The following PPFIA2 variants were observed in gnomAD, a reference collection of about 807,000 sequenced individuals.
The protein encoded by PPFIA2 is liprin-alpha-2.
In PPFIA2, 46 loss-of-function variants were observed where a neutral mutation model predicts 175.5. The ratio of observed to expected loss-of-function variants is 0.26; its 90% CI spans 0.21 to 0.34. The LOEUF is 0.34. Among genes scored for constraint, PPFIA2 ranks in the 10% least tolerant of loss-of-function variants. The pLI is 1.00. For synonymous variants in PPFIA2, 568 were observed against 511.4 expected (o/e 1.11, Z -1.49); for missense variants, 1,179 against 1,506.1 (o/e 0.78, Z 3.60).
intron 3 of PPFIA2, among the ~76,000 whole-genome samples, chr12:81,740,901 C>G (rs2153653601): frequency 6.6e-6 from 1 of 152,148 alleles, no homozygotes; most frequent in South Asian, 2.1e-4. Context: ...TTCTACTTTT[C>G]ATTTTGTCCT....
At chr12:81,357,206 A>G (rs1219385080) in intron 16 of PPFIA2, among the ~76,000 whole-genome samples, 1 of 152,324 alleles carries the variant, frequency 6.6e-6, no homozygotes, top group Admixed American at 6.5e-5. Flanking sequence ...CATAATAATG[A>G]GAAAAGAATT....
chr12:81,323,078 T>C (rs1375259779), intron 22 of PPFIA2, among the ~76,000 whole-genome samples: 1 of 152,214 alleles, frequency 6.6e-6, no homozygotes, highest in Non-Finnish European at 1.5e-5. Context: ...TCTTAAATGC[T>C]GCTCTCTGAA....
At chr12:81,563,207 G>A (rs1251425286) in intron 4 of PPFIA2, among the ~76,000 whole-genome samples, 1 of 151,642 alleles carries the variant, frequency 6.6e-6, no homozygotes, top group Non-Finnish European at 1.5e-5. Context: ...ATCTCCTCTG[G>A]TTTGTGACTC....
rs77010229 is a variant in PPFIA2 at position 81,439,629 on chromosome 12, A to G, written c.645+343T>C. Among the ~76,000 whole-genome samples, 21 of 152,178 alleles carry G rather than the reference A, an allele frequency of 1.4e-4. No homozygotes were observed. The East Asian group carries it at 3.9e-3, about 28-fold the overall frequency. On this transcript the variant is annotated intron_variant, in intron 7 of 32. Coordinates refer to ENST00000549396, the MANE Select transcript of PPFIA2 (RefSeq NM_003625.5). ...CAAGGAGTTCACTTTTATTTGTAGC[A>G]TTTTCTAAGTTTAACAGTTATTTGA...
chr12:81,665,555 T>C (rs1160433332), intron 4 of PPFIA2, among the ~76,000 whole-genome samples: 4 of 152,090 alleles, frequency 2.6e-5, no homozygotes, highest in Non-Finnish European at 5.9e-5. Flanking sequence ...TGTTGAAATA[T>C]AGATGCTTAA....
At chr12:81,427,782 C>T (rs539259256) in intron 7 of PPFIA2, among the ~76,000 whole-genome samples, 14 of 152,070 alleles carry the variant, frequency 9.2e-5, no homozygotes, top group Non-Finnish European at 4.4e-5. Flanking sequence ...GCCAAGTTTA[C>T]AAAGTGCTTC....
intron 4 of PPFIA2, among the ~76,000 whole-genome samples, chr12:81,593,554 A>C (rs2058915195): frequency 6.6e-6 from 1 of 152,238 alleles, no homozygotes; most frequent in Non-Finnish European, 1.5e-5. Flanking sequence ...TGAGGAACAC[A>C]GCTTAATAAA....
intron 4 of PPFIA2, among the ~76,000 whole-genome samples, chr12:81,592,628 C>A (rs2058799384): frequency 6.6e-6 from 1 of 152,130 alleles, no homozygotes; most frequent in African/African-American, 2.4e-5. Context: ...TTGCCTACTG[C>A]CATCCACTTA....
chr12:81,390,202 C>T (rs1252172400), intron 8 of PPFIA2, among the ~76,000 whole-genome samples: 2 of 152,020 alleles, frequency 1.3e-5, no homozygotes, highest in African/African-American at 2.4e-5. Flanking sequence ...GGGACATTAA[C>T]GTTGTGTCCA....
At chr12:81,700,056 T>C (rs2076321029) in intron 3 of PPFIA2, among the ~76,000 whole-genome samples, 1 of 152,068 alleles carries the variant, frequency 6.6e-6, no homozygotes, top group Non-Finnish European at 1.5e-5. Flanking sequence ...CCATATCCTA[T>C]GACCATTTGT....
At chr12:81,639,549 T>A (rs4842399) in intron 4 of PPFIA2, among the ~76,000 whole-genome samples, 60,051 of 148,458 alleles carry the variant, frequency 0.4, 14,743 homozygotes, top group African/African-American at 0.7. Context: ...GTAAAAAAAA[T>A]ATATATATAT....
intron 4 of PPFIA2, among the ~76,000 whole-genome samples, chr12:81,511,776 T>C (rs2061827105): frequency 6.6e-6 from 1 of 152,010 alleles, no homozygotes; most frequent in Non-Finnish European, 1.5e-5. Context: ...AAGCAGTCCT[T>C]TAAGAACCCA....
intron 7 of PPFIA2, among the ~76,000 whole-genome samples, chr12:81,413,904 T>C (rs757745639): frequency 6.6e-6 from 1 of 151,722 alleles, no homozygotes; most frequent in Non-Finnish European, 1.5e-5. Context: ...CATGAAGAAA[T>C]GGGAGTTGAG....
At chr12:81,675,175 A>G (rs1329298286) in intron 4 of PPFIA2, among the ~76,000 whole-genome samples, 1 of 150,482 alleles carries the variant, frequency 6.6e-6, no homozygotes, top group Non-Finnish European at 1.5e-5. Flanking sequence ...GTATACATAT[A>G]TAGATTGATA....
At chr12:81,719,943 T>A (rs1343596043) in intron 3 of PPFIA2, among the ~76,000 whole-genome samples, 1 of 151,434 alleles carries the variant, frequency 6.6e-6, no homozygotes, top group Non-Finnish European at 1.5e-5. Context: ...AAGAGTTATG[T>A]TTGTCTTATT....
chr12:81,524,827 G>A (rs1453833907), intron 4 of PPFIA2, among the ~76,000 whole-genome samples: 1 of 152,164 alleles, frequency 6.6e-6, no homozygotes, highest in African/African-American at 2.4e-5. Context: ...TAACCTCCAA[G>A]GTGATGGCAT....
chr12:81,310,296 A>G (rs1430532167), intron 22 of PPFIA2, among the ~76,000 whole-genome samples: 1 of 152,062 alleles, frequency 6.6e-6, no homozygotes, highest in African/African-American at 2.4e-5. Flanking sequence ...ACATCTTCCT[A>G]TGTCATCTTC....
intron 8 of PPFIA2, among the ~76,000 whole-genome samples, chr12:81,392,770 C>T (rs910008992): frequency 2.6e-5 from 4 of 151,954 alleles, no homozygotes; most frequent in Admixed American, 2.0e-4. Context: ...GTGTTCAGAA[C>T]GTGCTTCTCC....
chr12:81,657,331 C>G (rs138038161), intron 4 of PPFIA2, among the ~76,000 whole-genome samples: 1 of 152,338 alleles, frequency 6.6e-6, no homozygotes, highest in Non-Finnish European at 1.5e-5. Flanking sequence ...CCTTGGAAAA[C>G]TAGCTCATTT....
Sources: gnomAD v4.1 joint callset for allele counts (sites outside exome capture counted in the v4.1 genomes callset) on GRCh38, gnomAD v4.1.1 for gene constraint, MANE v1.5 for transcripts, NCBI Gene and HGNC (gene_info 2026-07-23, HGNC 2026-07-21) for gene names.